FRY: variants seen among roughly 807,000 people sequenced by gnomAD.
FRY encodes the protein protein furry homolog.
A neutral mutation model predicts 348.4 loss-of-function variants in FRY; 128 were observed. That is an observed-to-expected ratio of 0.37 (90% CI 0.32 to 0.43). The LOEUF is 0.43. Ranked by LOEUF, FRY falls within the 20% of genes least tolerant of loss-of-function variation. The pLI is 1.00. For missense variants in FRY, 2,736 were observed against 3,695.2 expected, an observed-to-expected ratio of 0.74 and a Z score of 6.73; for synonymous variants, 1,370 against 1,374.7, an observed-to-expected ratio of 1.00 and a Z score of 0.08.
intron 59 of FRY, chr13:32,291,961 A>G (rs1158840148): frequency 2.2e-6 from 1 of 451,614 alleles, no homozygotes; most frequent in Non-Finnish European, 4.4e-6. Context: ...GCATGAACAA[A>G]TAAAGTTTTT....
intron 1 of FRY, among the ~76,000 whole-genome samples, chr13:32,051,252 A>C (rs925111834): frequency 4.6e-5 from 7 of 152,174 alleles, no homozygotes; most frequent in Non-Finnish European, 1.0e-4. Context: ...GGACTTTTAC[A>C]AGGTCTTTGA....
chr13:32,261,967 G>T, intron 52 of FRY, 151 bp downstream of exon 52: 2 of 769,518 alleles, frequency 2.6e-6, no homozygotes, highest in South Asian at 3.2e-5. Flanking sequence ...GTTCTAGCTG[G>T]CAGAGTCTTC....
At chr13:32,050,701 A>G (rs1873275155) in intron 1 of FRY, among the ~76,000 whole-genome samples, 1 of 152,184 alleles carries the variant, frequency 6.6e-6, no homozygotes, top group South Asian at 2.1e-4. Context: ...CAGTCATGTT[A>G]ACATTATGGG....
At chr13:32,226,753 C>T (rs1885606430) in intron 39 of FRY, among the ~76,000 whole-genome samples, 1 of 152,084 alleles carries the variant, frequency 6.6e-6, no homozygotes, top group Non-Finnish European at 1.5e-5. Context: ...AAAGGGTGCA[C>T]CTTTTATTTA....
At chr13:32,210,042 T>C (rs1884598422) in intron 33 of FRY, among the ~76,000 whole-genome samples, 1 of 152,198 alleles carries the variant, frequency 6.6e-6, no homozygotes, top group South Asian at 2.1e-4. Context: ...GGACCTACTA[T>C]GTAAGAGACA....
Position 32,237,380 on chromosome 13 carries a change from T to A in FRY, c.5812T>A (p.Ser1938Thr). 6.2e-7 allele frequency: 1 copy of A among 1,613,916 alleles called. No homozygotes were observed. The highest frequency in any genetic ancestry group is 8.5e-7 in the Non-Finnish European group (1 of 1,180,000). Residue 1938 changes from serine (S) to threonine (T), a missense_variant and splice_region_variant, in exon 44 of 61, where the codon TCT becomes ACT. Ser to Thr is a moderately conservative substitution (Grantham distance 58). Around this residue, in one of 9 missense-constraint regions of FRY, gnomAD observed 794 missense variants for 977.0 expected, o/e 0.81. Transcript: ENST00000542859. The surrounding 1 kb of genome is among the most constrained non-coding windows in gnomAD (Gnocchi z 6.3). ...NSDLLTVLSR[S>T]SSPDLSSSSK... is the part of the protein sequence containing the mutation. ...AAACTTATTTATTTTTATACCCAGCTCTTCCTCACCAGATTTAAGCTCCAG... is the reference window on the plus strand; with the variant it reads ...AAACTTATTTATTTTTATACCCAGCACTTCCTCACCAGATTTAAGCTCCAG...
intron 47 of FRY, 104 bp from the exon 48 acceptor site, chr13:32,247,219 A>G: frequency 1.1e-6 from 1 of 900,272 alleles, no homozygotes; most frequent in Admixed American, 2.0e-5. Flanking sequence ...GTTTTAAGTC[A>G]GTGAATTCTG....
intron 2 of FRY, among the ~76,000 whole-genome samples, chr13:32,092,417 T>TGTGAA (rs1396262121): frequency 1.3e-5 from 2 of 152,218 alleles, no homozygotes; most frequent in African/African-American, 4.8e-5. Flanking sequence ...ATGAAAAGAT[T>TGTGAA]GTGAAGTGAA....
At chr13:32,283,342 A>C (rs571653021) in intron 58 of FRY, among the ~76,000 whole-genome samples, 2 of 152,272 alleles carry the variant, frequency 1.3e-5, no homozygotes, top group Admixed American at 6.5e-5. Flanking sequence ...AGTTCCTAAC[A>C]CTGAATGCAA....
chr13:32,240,020 C>T (rs1886419673), intron 46 of FRY, 139 bp downstream of exon 46: 1 of 680,382 alleles, frequency 1.5e-6, no homozygotes, highest in African/African-American at 1.8e-5. Flanking sequence ...CATTCCCTGC[C>T]AGAGGTAAGC....
intron 1 of FRY, among the ~76,000 whole-genome samples, chr13:32,032,520 T>A (rs1872292081): frequency 6.6e-6 from 1 of 152,192 alleles, no homozygotes; most frequent in African/African-American, 2.4e-5. Context: ...TTTTGAAACA[T>A]AAACAAGTGA....
At chr13:32,278,595 T>C in intron 58 of FRY, 47 bp downstream of exon 58, 1 of 1,021,492 alleles carries the variant, frequency 9.8e-7, no homozygotes, top group Non-Finnish European at 1.6e-6. Flanking sequence ...TCTAACATTG[T>C]GTATTAGTTT....
chr13:32,033,715 A>C (rs1190591561), intron 1 of FRY, among the ~76,000 whole-genome samples: 1 of 152,246 alleles, frequency 6.6e-6, no homozygotes, highest in Non-Finnish European at 1.5e-5. Flanking sequence ...AATAAGACAC[A>C]GTCCCTGCCC....
chr13:32,174,146 G>A (rs754554835), intron 19 of FRY, among the ~76,000 whole-genome samples: 1 of 152,158 alleles, frequency 6.6e-6, no homozygotes, highest in Non-Finnish European at 1.5e-5. Context: ...CAAACCAAAT[G>A]CATAATTTGA....
At chr13:32,084,481 C>T (rs544033399) in intron 2 of FRY, among the ~76,000 whole-genome samples, 1 of 152,120 alleles carries the variant, frequency 6.6e-6, no homozygotes. Context: ...TTCTGCCTAC[C>T]CTTTAAGGCC....
chr13:32,182,405 T>C (rs1016849039), intron 23 of FRY, among the ~76,000 whole-genome samples: 15 of 152,170 alleles, frequency 9.9e-5, no homozygotes, highest in Admixed American at 3.3e-4. Flanking sequence ...ATTTATTATA[T>C]AGTGGAAATA....
chr13:32,107,816 G>C (rs185275627), intron 3 of FRY, among the ~76,000 whole-genome samples: 63 of 152,266 alleles, frequency 4.1e-4, no homozygotes, highest in Middle Eastern at 3.4e-3. Flanking sequence ...AGAGCAGTAT[G>C]GGCTATCCCT....
chr13:32,155,692 C>T lies in FRY; in HGVS notation c.1651+30C>T, dbSNP rs576285877. The T allele has an allele frequency of 1.7e-4, 263 of 1,522,576 alleles. No homozygotes were observed. In the South Asian group the frequency reaches 2.5e-3, roughly 14 times the overall value. 94.3% of individuals were successfully genotyped at this position (1,522,576 alleles called of 1,614,324 possible). On this transcript the variant is annotated intron_variant, in intron 15 of 60. Coordinates refer to ENST00000542859, the MANE Select transcript of FRY (RefSeq NM_023037.3). ...GTTTCAGAAGTGCATAAGAACTAAG[C>T]CTTATTAAGCCCTTAAAATGACCAG... is the stretch of plus-strand genomic sequence containing the variant.
chr13:32,204,465 GA>G (rs369783601), intron 31 of FRY, among the ~76,000 whole-genome samples: 79 of 152,044 alleles, frequency 5.2e-4, no homozygotes, highest in African/African-American at 1.7e-3. Flanking sequence ...AGGGGCAGGG[GA>G]AAAAAAGCTC....
Sources: allele counts gnomAD v4.1 joint callset (sites outside exome capture counted in the v4.1 genomes callset), GRCh38; gene constraint gnomAD v4.1.1; regional missense constraint gnomAD v4.1.1; non-coding constraint Gnocchi (gnomAD v3.1); transcripts MANE v1.5; gene names NCBI Gene and HGNC (gene_info 2026-07-23, HGNC 2026-07-21).